Variants in COL6A3 observed in about 807,000 individuals in gnomAD.
COL6A3 encodes the protein collagen alpha-3(VI) chain.
COL6A3 carries 137 observed loss-of-function variants against 274.1 expected under a neutral mutation model. The observed-to-expected ratio is 0.50, with a 90% confidence interval of 0.44 to 0.58. COL6A3 has a LOEUF of 0.58. Ranked by LOEUF, COL6A3 falls within the 20% of genes least tolerant of loss-of-function variation. The pLI, the probability that COL6A3 is intolerant of heterozygous loss-of-function variation, is 0.00. For synonymous variants in COL6A3, 1,650 were observed against 1,650.6 expected (o/e 1.00, Z 0.01); for missense variants, 3,950 against 4,124.9 (o/e 0.96, Z 1.16).
intron 42 of COL6A3, chr2:237,329,836 CA>C (rs987395876): frequency 6.6e-6 from 1 of 152,062 alleles, no homozygotes; most frequent in South Asian, 2.1e-4. Flanking sequence ...AGAAGTGTCC[CA>C]ATGAGAAGAA....
intron 8 of COL6A3, among the ~76,000 whole-genome samples, chr2:237,373,233 G>A (rs1559247779): frequency 1.3e-5 from 2 of 152,182 alleles, no homozygotes; most frequent in Admixed American, 6.6e-5. Flanking sequence ...CCCGCACTGT[G>A]ACAATATTCC....
intron 37 of COL6A3, among the ~76,000 whole-genome samples, 172 bp downstream of exon 37, chr2:237,341,893 A>G (rs763234007): frequency 6.6e-6 from 1 of 152,198 alleles, no homozygotes; most frequent in Non-Finnish European, 1.5e-5. Flanking sequence ...TGGGAGGTCC[A>G]TTTTTAATAT....
Position 237,368,475 on chromosome 2 carries a change from A to G in COL6A3, c.4900+88T>C. On this transcript the variant is annotated intron_variant, in intron 10 of 43. Coordinates refer to ENST00000295550, the MANE Select transcript of COL6A3 (RefSeq NM_004369.4). The surrounding 1 kb of genome is among the most constrained non-coding windows in gnomAD (Gnocchi z 4.4). The stretch of plus-strand genomic sequence containing the variant: ...GAAGAAACAACCCAGAGAGAAGAAA[A>G]TTATTAAAAATGACTACTGATTACT... The G allele has an allele frequency of 6.7e-7, 1 of 1,488,348 alleles. No individual in the cohort carries two copies. The highest frequency in any genetic ancestry group is 9.1e-7 in the Non-Finnish European group (1 of 1,099,594). The allele number at this position is 1,488,348 out of a possible 1,614,324, so 92.2% of individuals were successfully genotyped here.
intron 16 of COL6A3, among the ~76,000 whole-genome samples, chr2:237,360,682 C>T (rs1240168565): frequency 6.6e-6 from 1 of 152,172 alleles, no homozygotes; most frequent in Non-Finnish European, 1.5e-5. Context: ...GTCTGTCCAT[C>T]CCCAAGACCC....
intron 1 of COL6A3, among the ~76,000 whole-genome samples, chr2:237,409,230 A>G (rs1008852952): frequency 5.9e-5 from 9 of 152,226 alleles, no homozygotes; most frequent in Non-Finnish European, 1.3e-4. Context: ...TTTGCCAACC[A>G]GAAGAGAGGG....
chr2:237,355,074 C>T (rs1340796283), intron 23 of COL6A3, 140 bp from the exon 24 acceptor site: 2 of 748,018 alleles, frequency 2.7e-6, no homozygotes, highest in African/African-American at 1.7e-5. Context: ...GTGCCAAGAA[C>T]CAGAAACCAC....
intron 36 of COL6A3, chr2:237,343,555 A>C: frequency 1.1e-5 from 1 of 94,074 alleles, no homozygotes; most frequent in East Asian, 2.6e-4. Context: ...AAAAAAAAAA[A>C]AAAAAAAAAA....
intron 42 of COL6A3, 80 bp from the exon 43 acceptor site, chr2:237,325,804 A>G (rs1699910542): frequency 1.6e-6 from 2 of 1,264,826 alleles, no homozygotes; most frequent in Non-Finnish European, 2.3e-6. Context: ...TGACAGTCTG[A>G]TGACCCTACT....
intron 26 of COL6A3, among the ~76,000 whole-genome samples, chr2:237,351,750 TG>T (rs2077211142): frequency 6.6e-6 from 1 of 152,256 alleles, no homozygotes; most frequent in African/African-American, 2.4e-5. Context: ...CTTAAATTGT[TG>T]ATTAATTACA....
In COL6A3 at chr2:237,374,010, G is replaced by A. The variant is rs1431385445; in HGVS notation, c.3679+402C>T. 6.6e-6 allele frequency among the ~76,000 whole-genome samples: 1 copy of A among 152,194 alleles called. No homozygotes were observed. Among genetic ancestry groups the A allele is most frequent in the Non-Finnish European group, 1.5e-5 (1 of 68,038 alleles). ...CCAGCTTGCAGAGTGTCCCTGGTCA[G>A]ACTCCTTCCTGCCTCACAGAAGGCT... is the stretch of plus-strand genomic sequence containing the variant. On this transcript the variant is annotated intron_variant, in intron 8 of 43. Transcript: ENST00000295550. The surrounding 1 kb of genome is among the most constrained non-coding windows in gnomAD (Gnocchi z 4.8).
At position 237,334,246 on chromosome 2, in the gene COL6A3, T is replaced by C. The variant is rs534557130; in HGVS notation, c.9229+380A>G. On this transcript the variant is annotated intron_variant, in intron 41 of 43. Transcript: ENST00000295550. ...ACTCCCTAAGGAGCCAGTGACTGGC[T>C]GGTGTTTTCCTGAACATGGAAACCT... 2.6e-5 allele frequency among the ~76,000 whole-genome samples: 4 copies of C among 152,298 alleles called. No homozygotes were observed. In the South Asian group the frequency reaches 8.3e-4, roughly 32 times the overall value.
In COL6A3 at chr2:237,324,418, G is replaced by A. The variant is rs542938988; in HGVS notation, c.*356C>T. Reference sequence around the variant, plus strand: ...CCAAGCAAAAGTATATAGAGTAGCCGTGACATTTGCATTATTTTCTAGACT... The same window carrying A: ...CCAAGCAAAAGTATATAGAGTAGCCATGACATTTGCATTATTTTCTAGACT... On this transcript the variant is annotated 3_prime_UTR_variant, in exon 44 of 44. Coordinates refer to ENST00000295550, the MANE Select transcript of COL6A3 (RefSeq NM_004369.4). The A allele has an allele frequency of 1.3e-4, 32 of 250,790 alleles. No homozygotes were observed. Among genetic ancestry groups the A allele is most frequent in the Admixed American group, 1.1e-3 (23 of 21,654 alleles). The allele number at this position is 250,790 out of a possible 1,614,324, so 15.5% of individuals were successfully genotyped here. A position where few individuals can be genotyped will look rare whatever the true frequency, so the allele number is the denominator to read the frequency against.
intron 2 of COL6A3, among the ~76,000 whole-genome samples, chr2:237,395,650 A>C (rs1016740329): frequency 3.3e-5 from 5 of 152,216 alleles, no homozygotes; most frequent in Non-Finnish European, 5.9e-5. Context: ...AAAAGTAAAA[A>C]TTGCTATTTT....
rs141817339 is a variant in COL6A3, at chr2:237,350,939, G to T, written c.6816+191C>A. Among the ~76,000 whole-genome samples, 325 of 152,332 alleles carry T rather than the reference G, an allele frequency of 2.1e-3. 2 individuals carry two copies. The highest frequency in any genetic ancestry group is 7.4e-3 in the African/African-American group (308 of 41,578). ...AGAGATGGTTGGTGGCAGGGATGGT[G>T]GTGGGAATTATGGTGGGGATTGTTG... is the stretch of plus-strand genomic sequence containing the variant. On this transcript the variant is annotated intron_variant, in intron 27 of 43. Transcript: ENST00000295550.
At chr2:237,354,497 T>C (rs2077274394) in intron 24 of COL6A3, among the ~76,000 whole-genome samples, 1 of 152,160 alleles carries the variant, frequency 6.6e-6, no homozygotes, top group Admixed American at 6.5e-5. Flanking sequence ...GTGACTGTTC[T>C]GGTAAACTGT....
intron 28 of COL6A3, 54 bp from the exon 29 acceptor site, chr2:237,348,717 C>T: frequency 6.6e-7 from 1 of 1,523,786 alleles, no homozygotes; most frequent in Non-Finnish European, 9.1e-7. Context: ...CACACCATAA[C>T]CACCGTCTCT....
At position 237,354,935 on chromosome 2, in the gene COL6A3, C is replaced by T; in HGVS notation, c.6592-1G>A. 3.1e-6 allele frequency: 5 copies of T among 1,613,790 alleles called. No individual in the cohort carries two copies. The highest frequency in any genetic ancestry group is 4.2e-6 in the Non-Finnish European group (5 of 1,179,862). On this transcript the variant is annotated splice_acceptor_variant, in intron 23 of 43. Transcript: ENST00000295550. LOFTEE classifies it high-confidence loss of function. Reference sequence around the variant, plus strand: ...GGGGTCCCCTTCGGCCAAAGCCACCCTGTGGAAGAAAAAGTCCCACAAACT... The same window carrying T: ...GGGGTCCCCTTCGGCCAAAGCCACCTTGTGGAAGAAAAAGTCCCACAAACT...
In COL6A3 at chr2:237,345,184, G is replaced by A. The variant is rs747377101; in HGVS notation, c.7122C>T (p.Ile2374=). The part of the protein sequence containing the change: ...AGPKGNRGDS[I]DQCALIQSIK... The stretch of plus-strand genomic sequence containing the variant: ...ATTCTGGACACATGCAACTTACATC[G>A]ATGGAGTCGCCCCTGTTGCCCTTGG... The change falls in exon 33 of 44, where the codon ATC becomes ATT. Residue 2374 remains isoleucine, a synonymous_variant. Transcript: ENST00000295550. The A allele has an allele frequency of 1.2e-5, 19 of 1,614,000 alleles. No homozygotes were observed. Among genetic ancestry groups the A allele is most frequent in the East Asian group, 6.7e-5 (3 of 44,888 alleles).
chr2:237,360,935 T>A (rs549455713), intron 16 of COL6A3, among the ~76,000 whole-genome samples, 186 bp downstream of exon 16: 1 of 152,150 alleles, frequency 6.6e-6, no homozygotes, highest in African/African-American at 2.4e-5. Flanking sequence ...CATGCCCACA[T>A]TTGTCATACT....
Sources: gnomAD v4.1 joint callset for allele counts (sites outside exome capture counted in the v4.1 genomes callset) on GRCh38, gnomAD v4.1.1 for gene constraint, Gnocchi (gnomAD v3.1) non-coding constraint, MANE v1.5 for transcripts, NCBI Gene and HGNC (gene_info 2026-07-23, HGNC 2026-07-21) for gene names.